DST: variants seen among roughly 807,000 people sequenced by gnomAD.
DST encodes the protein dystonin, also known as bullous pemphigoid antigen.
In DST, 253 loss-of-function variants were observed where a neutral mutation model predicts 875.2. The ratio of observed to expected loss-of-function variants is 0.29; its 90% CI spans 0.26 to 0.32. The LOEUF is 0.32. Ranked by LOEUF, DST falls within the 10% of genes least tolerant of loss-of-function variation. The probability of loss-of-function intolerance (pLI) is 1.00; values close to 1 mark genes in which losing one functional copy is unlikely to be tolerated. For synonymous variants in DST, 3,124 were observed against 3,197.1 expected (o/e 0.98, Z 0.77); for missense variants, 8,287 against 9,111.6 (o/e 0.91, Z 3.68).
rs1165320227 is a variant in DST, at chr6:56,764,971, AAGGG to A, written c.626-29686_626-29683del. ...GACTCCATCAAGGAAGGAAGGAAGA[AAGGG>A]AGGGAGGGAGGGAGGGAGGGAGGAA... On this transcript the variant is annotated intron_variant, in intron 4 of 103. Transcript: ENST00000680361. 9.3e-4 allele frequency among the ~76,000 whole-genome samples: 100 copies of A among 106,994 alleles called. 2 individuals are homozygous for A. The highest frequency in any genetic ancestry group is 1.5e-3 in the Non-Finnish European group (80 of 51,730). The allele number at this position is 106,994 out of a possible 152,430, so 70.2% of individuals were successfully genotyped here.
intron 91 of DST, among the ~76,000 whole-genome samples, chr6:56,476,750 A>C (rs1055493075): frequency 2.0e-5 from 3 of 152,138 alleles, no homozygotes; most frequent in Admixed American, 2.0e-4. Flanking sequence ...AGGTCAGTTC[A>C]AGATCAGCCT....
intron 4 of DST, among the ~76,000 whole-genome samples, chr6:56,738,858 C>T (rs924244828): frequency 2.7e-4 from 41 of 151,728 alleles, no homozygotes; most frequent in Non-Finnish European, 3.8e-4. Context: ...CCTAAGCTCA[C>T]GCCATCCACC....
intron 2 of DST, among the ~76,000 whole-genome samples, chr6:56,943,393 G>C (rs1237389155): frequency 6.9e-6 from 1 of 145,362 alleles, no homozygotes; most frequent in Non-Finnish European, 1.5e-5. Context: ...AAAAAAAAAA[G>C]TCAGGGATAT....
intron 4 of DST, among the ~76,000 whole-genome samples, chr6:56,779,496 T>C (rs570639539): frequency 6.6e-6 from 1 of 152,208 alleles, no homozygotes; most frequent in African/African-American, 2.4e-5. Context: ...TAGGTTTTCT[T>C]CAAGGGTTTT....
At chr6:56,884,094 G>A (rs1173450852) in intron 3 of DST, among the ~76,000 whole-genome samples, 3 of 151,848 alleles carry the variant, frequency 2.0e-5, no homozygotes, top group African/African-American at 7.3e-5. Flanking sequence ...TTGTGCCACT[G>A]CACTCGAGCC....
intron 78 of DST, among the ~76,000 whole-genome samples, chr6:56,502,960 T>C (rs1223401324): frequency 1.3e-5 from 2 of 152,236 alleles, no homozygotes; most frequent in South Asian, 4.1e-4. Context: ...ATTATTGGTA[T>C]AGAGGAATTC....
At position 56,761,229 on chromosome 6, in the gene DST, G is replaced by C. The variant is rs959697408; in HGVS notation, c.626-25940C>G. Among the ~76,000 whole-genome samples, 15 of 152,322 alleles carry C rather than the reference G, an allele frequency of 9.8e-5. 1 individual carries two copies. In the South Asian group the frequency reaches 2.3e-3, roughly 23 times the overall value. ...CCAGTCAAGCCTTCAGAGGACAGCA[G>C]CCCTGGGCAACATCTGAACTTTAAC... On this transcript the variant is annotated intron_variant, in intron 4 of 103. Transcript: ENST00000680361.
intron 15 of DST, chr6:56,643,025 T>C (rs1563412178): frequency 9.9e-6 from 9 of 911,642 alleles, no homozygotes; most frequent in South Asian, 1.8e-5. Context: ...TTGCCTTTTG[T>C]AGCTTGTATT....
chr6:56,674,135 A>G (rs2099116434), intron 9 of DST, among the ~76,000 whole-genome samples: 1 of 152,182 alleles, frequency 6.6e-6, no homozygotes, highest in Admixed American at 6.5e-5. Flanking sequence ...CATTCAGGTC[A>G]GATTCTAGAA....
In DST at chr6:56,600,211, T is replaced by C; in HGVS notation, c.11552A>G (p.Glu3851Gly). The change falls in exon 45 of 104, where the codon GAG becomes GGG. Residue 3851 changes from glutamate (E) to glycine (G), a missense_variant. By Grantham distance (98) the Glu-to-Gly change is moderately conservative. Around this residue, in one of 10 missense-constraint regions of DST, gnomAD observed 3,138 missense variants for 3,116.6 expected, o/e 1.01. Transcript: ENST00000680361. ...TTTCTCTTTATACTCCTGCTGACGCTCTGCTACAATCTAAAGTGAAGAAAA... is the reference window on the plus strand; with the variant it reads ...TTTCTCTTTATACTCCTGCTGACGCCCTGCTACAATCTAAAGTGAAGAAAA... ...QDLDDQKIVAERQQEYKEKLQ... is the reference protein window; with the variant it reads ...QDLDDQKIVAGRQQEYKEKLQ... 6.2e-7 allele frequency: 1 copy of C among 1,611,684 alleles called. No individual in the cohort carries two copies. Among genetic ancestry groups the C allele is most frequent in the Non-Finnish European group, 8.5e-7 (1 of 1,178,662 alleles).
intron 60 of DST, among the ~76,000 whole-genome samples, chr6:56,553,984 C>A (rs1195791753): frequency 1.3e-5 from 2 of 151,664 alleles, no homozygotes; most frequent in East Asian, 3.9e-4. Context: ...CTTCTCTATT[C>A]CAGTATGGAG....
rs2152473701 is a variant in DST, at chr6:56,509,653, A to G, written c.19001T>C (p.Ile6334Thr). The change falls in exon 74 of 104, where the codon ATA becomes ACA. Residue 6334 changes from isoleucine (I) to threonine (T), a missense_variant. Ile to Thr is a moderately conservative substitution (Grantham distance 89, BLOSUM62 -1). This residue lies in a region of DST where 1,292 missense variants were observed against 1,552.7 expected (regional missense o/e 0.83). Transcript: ENST00000680361. The stretch of plus-strand genomic sequence containing the variant: ...TCCAAAAGTATTACCTTTGGCAGAT[A>G]TGTCTTTATCAGTCCCCCCAGATCT... ...IARSGGTDKD[I>T]SAKAVQDKLD... 1 of 1,612,676 alleles carries G rather than the reference A, an allele frequency of 6.2e-7. No homozygotes were observed. Among genetic ancestry groups the G allele is most frequent in the Non-Finnish European group, 8.5e-7 (1 of 1,178,920 alleles).
At chr6:56,615,059 C>G (rs1464120925) in intron 36 of DST, 1 of 1,001,890 alleles carries the variant, frequency 1.0e-6, no homozygotes, top group Non-Finnish European at 1.2e-6. Context: ...TTTTTTGAAG[C>G]AATCTAAAAC....
At chr6:56,465,796 C>T (rs543330708) in intron 99 of DST, among the ~76,000 whole-genome samples, 18 of 148,140 alleles carry the variant, frequency 1.2e-4, no homozygotes, top group African/African-American at 4.2e-4. Context: ...TTTGGAAAAT[C>T]GTAGATGTAA....
At chr6:56,666,939 A>G (rs1388375325) in intron 10 of DST, among the ~76,000 whole-genome samples, 5 of 152,098 alleles carry the variant, frequency 3.3e-5, no homozygotes. Flanking sequence ...ACAGACTACA[A>G]ATACAACACA....
At chr6:56,717,182 C>CAAATAAATAAATAAATAAAT (rs35485370) in intron 5 of DST, among the ~76,000 whole-genome samples, 2 of 142,756 alleles carry the variant, frequency 1.4e-5, no homozygotes, top group Admixed American at 1.4e-4. Flanking sequence ...GACTCCGTCT[C>CAAATAAATAAATAAATAAAT]AAATAAATAA....
At chr6:56,679,786 CACT>C (rs2099148494) in intron 9 of DST, among the ~76,000 whole-genome samples, 1 of 151,866 alleles carries the variant, frequency 6.6e-6, no homozygotes, top group Admixed American at 6.6e-5. Flanking sequence ...AAAAATTCTT[CACT>C]ACTTGTCTAA....
At chr6:56,781,627 G>A (rs1013188597) in intron 4 of DST, among the ~76,000 whole-genome samples, 1 of 152,192 alleles carries the variant, frequency 6.6e-6, no homozygotes. Context: ...TTTAGGCTGA[G>A]ACAATGGGGT....
intron 2 of DST, among the ~76,000 whole-genome samples, chr6:56,929,074 A>G (rs1808747892): frequency 6.6e-6 from 1 of 152,196 alleles, no homozygotes; most frequent in Non-Finnish European, 1.5e-5. Context: ...TAAAAAGAAT[A>G]CAACTAAAAG....
Sources: gnomAD v4.1 joint callset for allele counts (sites outside exome capture counted in the v4.1 genomes callset) on GRCh38, gnomAD v4.1.1 for gene constraint, gnomAD v4.1.1 regional missense constraint, MANE v1.5 for transcripts, NCBI Gene and HGNC (gene_info 2026-07-23, HGNC 2026-07-21) for gene names.